The following APC variants were observed in gnomAD, a reference collection of about 807,000 sequenced individuals.
The protein encoded by APC is APC regulator of Wnt signaling pathway.
APC carries 72 observed loss-of-function variants against 247.0 expected under a neutral mutation model. That is an observed-to-expected ratio of 0.29 (90% CI 0.24 to 0.35). The LOEUF (loss-of-function observed/expected upper bound fraction) is 0.35, where lower values mean the gene tolerates loss of function less well. Ranked by LOEUF, APC falls within the 10% of genes least tolerant of loss-of-function variation. The pLI, the probability that APC is intolerant of heterozygous loss-of-function variation, is 1.00. For synonymous variants in APC, 1,254 were observed against 1,162.5 expected, an observed-to-expected ratio of 1.08 and a Z score of -1.60; for missense variants, 3,400 against 3,360.7, an observed-to-expected ratio of 1.01 and a Z score of -0.29.
chr5:112,738,883 A>G (rs1462707499), intron 1 of APC, among the ~76,000 whole-genome samples: 1 of 152,258 alleles, frequency 6.6e-6, no homozygotes, highest in Non-Finnish European at 1.5e-5. Context: ...GATTTAACAT[A>G]AATCCTATAC....
At chr5:112,792,588 G>T in intron 7 of APC, 59 bp downstream of exon 7, 3 of 1,223,992 alleles carry the variant, frequency 2.5e-6, no homozygotes, top group South Asian at 2.5e-5. Flanking sequence ...TCTGAGAAAA[G>T]AAAACATGTA....
At chr5:112,827,689 C>T (rs1391045524) in intron 12 of APC, among the ~76,000 whole-genome samples, 1 of 152,224 alleles carries the variant, frequency 6.6e-6, no homozygotes, top group Non-Finnish European at 1.5e-5. Flanking sequence ...TGTTGCTTAT[C>T]ATTTCTCACC....
At chr5:112,738,586 G>A in intron 1 of APC, 1 of 783,706 alleles carries the variant, frequency 1.3e-6, no homozygotes, top group African/African-American at 1.9e-5. Flanking sequence ...CAGTGTCTTT[G>A]TTAGTTACAA....
intron 12 of APC, 104 bp downstream of exon 12, chr5:112,827,351 T>A: frequency 7.9e-7 from 1 of 1,267,928 alleles, no homozygotes; most frequent in Non-Finnish European, 1.1e-6. Flanking sequence ...CTCTCCTCAT[T>A]AAACAATGAC....
intron 1 of APC, among the ~76,000 whole-genome samples, chr5:112,726,081 G>A (rs893517740): frequency 6.6e-6 from 1 of 152,206 alleles, no homozygotes; most frequent in Non-Finnish European, 1.5e-5. Context: ...AGGTGCAGAA[G>A]CCGGGGCAAG....
chr5:112,814,328 G>A (rs570045200), intron 8 of APC, among the ~76,000 whole-genome samples: 3 of 152,122 alleles, frequency 2.0e-5, no homozygotes, highest in Non-Finnish European at 4.4e-5. Flanking sequence ...GCCCATTGGG[G>A]ATTCTTACTG....
chr5:112,751,216 C>G (rs1754324538), intron 1 of APC, among the ~76,000 whole-genome samples: 2 of 151,790 alleles, frequency 1.3e-5, no homozygotes, highest in Non-Finnish European at 1.5e-5. Flanking sequence ...CTACAATTAT[C>G]AAAACAAAAA....
At chr5:112,758,011 T>A (rs1291615568) in intron 2 of APC, among the ~76,000 whole-genome samples, 1 of 152,184 alleles carries the variant, frequency 6.6e-6, no homozygotes, top group East Asian at 1.9e-4. Context: ...ATTTTAAAAA[T>A]AAGTCTGAGG....
At chr5:112,767,115 A>G in intron 3 of APC, 74 bp from the exon 4 acceptor site, 1 of 1,243,300 alleles carries the variant, frequency 8.0e-7, no homozygotes, top group Non-Finnish European at 1.2e-6. Context: ...TCACTTTAAA[A>G]TAATATAACA....
At chr5:112,797,077 T>C (rs1171376932) in intron 7 of APC, among the ~76,000 whole-genome samples, 1 of 152,164 alleles carries the variant, frequency 6.6e-6, no homozygotes, top group African/African-American at 2.4e-5. Context: ...GTGTTTCTTG[T>C]ATCTGTTCAA....
rs2149998026 is a variant in APC at position 112,843,615 on chromosome 5, C to T, written c.8021C>T (p.Ser2674Phe). The stretch of plus-strand genomic sequence containing the variant: ...ATTAACAATCCTAGATCTGGAAGAT[C>T]TCCCACAGGTAATACTCCCCCGGTG... Reference protein sequence around the residue: ...CPINNPRSGRSPTGNTPPVID... With the variant: ...CPINNPRSGRFPTGNTPPVID... Residue 2674 changes from serine to phenylalanine, a missense_variant, in exon 16 of 16, where the codon TCT becomes TTT. Around this residue, in one of 9 missense-constraint regions of APC, gnomAD observed 1,788 missense variants for 1,649.5 expected, o/e 1.08. Transcript: ENST00000257430. This position sits in a 1 kb window ranked among gnomAD's most constrained non-coding sequence, Gnocchi z 4.8. 6.2e-7 allele frequency: 1 copy of T among 1,613,948 alleles called. No individual in the cohort carries two copies. Among genetic ancestry groups the T allele is most frequent in the Admixed American group, 1.7e-5 (1 of 60,014 alleles).
At chr5:112,775,494 T>C (rs569710893) in intron 4 of APC, 135 bp from the exon 5 acceptor site, 6 of 567,028 alleles carry the variant, frequency 1.1e-5, no homozygotes. Context: ...TTGAAATCAA[T>C]GTAAATTTTT....
At chr5:112,832,017 C>T (rs1341398150) in intron 14 of APC, among the ~76,000 whole-genome samples, 3 of 152,184 alleles carry the variant, frequency 2.0e-5, no homozygotes, top group Non-Finnish European at 4.4e-5. Flanking sequence ...TCTCCTTGAT[C>T]ATAGAATCTA....
upstream of APC, among the ~76,000 whole-genome samples, chr5:112,733,526 T>C (rs1752201498): frequency 6.6e-6 from 1 of 152,044 alleles, no homozygotes; most frequent in Admixed American, 6.6e-5. Context: ...GGAAGTGAAG[T>C]GCTATGAACC....
At chr5:112,792,879 T>C (rs1477637108) in intron 7 of APC, among the ~76,000 whole-genome samples, 1 of 152,118 alleles carries the variant, frequency 6.6e-6, no homozygotes, top group Non-Finnish European at 1.5e-5. Flanking sequence ...CTGTGTTTAC[T>C]CCAGAAACCC....
intron 14 of APC, among the ~76,000 whole-genome samples, chr5:112,832,588 C>A (rs1561563550): frequency 6.6e-6 from 1 of 152,168 alleles, no homozygotes; most frequent in Non-Finnish European, 1.5e-5. Context: ...TTCCACTGTT[C>A]CCCATCATGG....
intron 2 of APC, among the ~76,000 whole-genome samples, chr5:112,759,538 A>G (rs1755417868): frequency 6.6e-6 from 1 of 151,422 alleles, no homozygotes; most frequent in Non-Finnish European, 1.5e-5. Context: ...TTGTATTTTT[A>G]GTAGAGATGG....
chr5:112,840,727 T>C lies in APC; in HGVS notation c.5133T>C (p.Pro1711=), dbSNP rs764152659. The change falls in exon 16 of 16, where the codon CCT becomes CCC. Residue 1711 remains proline (P), a synonymous_variant. Coordinates refer to ENST00000257430, the MANE Select transcript of APC (RefSeq NM_000038.6). The surrounding 1 kb of genome is among the most constrained non-coding windows in gnomAD (Gnocchi z 4.1). ...QGGKTSSVTI[P]ELDDNKAEEG... ...GAAAAACCTCATCTGTAACCATACCTGAATTGGATGACAATAAAGCAGAGG... is the reference window on the plus strand; with the variant it reads ...GAAAAACCTCATCTGTAACCATACCCGAATTGGATGACAATAAAGCAGAGG... 6.2e-7 allele frequency: 1 copy of C among 1,614,116 alleles called. No individual in the cohort carries two copies. Among genetic ancestry groups the C allele is most frequent in the Admixed American group, 1.7e-5 (1 of 60,014 alleles).
intron 8 of APC, among the ~76,000 whole-genome samples, chr5:112,807,944 C>T (rs2464809): frequency 4.2e-4 from 64 of 152,190 alleles, no homozygotes; most frequent in Admixed American, 1.8e-3. Context: ...CACTTGAGGT[C>T]AGGAGTTCAA....
Sources: allele counts gnomAD v4.1 joint callset (sites outside exome capture counted in the v4.1 genomes callset), GRCh38; gene constraint gnomAD v4.1.1; regional missense constraint gnomAD v4.1.1; non-coding constraint Gnocchi (gnomAD v3.1); transcripts MANE v1.5; gene names NCBI Gene and HGNC (gene_info 2026-07-23, HGNC 2026-07-21).